Variants in PYHIN1 observed in about 807,000 individuals in gnomAD.
PYHIN1 encodes the protein pyrin and HIN domain-containing protein 1.
Under a neutral mutation model 43.7 loss-of-function variants are expected in PYHIN1, and 32 were observed. The ratio of observed to expected loss-of-function variants is 0.73; its 90% CI spans 0.55 to 0.98. The LOEUF (loss-of-function observed/expected upper bound fraction) is 0.98, where lower values mean the gene tolerates loss of function less well. PYHIN1 is among the 50% of genes least tolerant of loss of function. The probability of loss-of-function intolerance (pLI) is 0.00; values close to 1 mark genes in which losing one functional copy is unlikely to be tolerated. For missense variants in PYHIN1, 588 were observed against 589.5 expected (o/e 1.00, Z 0.03); for synonymous variants, 205 against 203.1 (o/e 1.01, Z -0.08).
intron 4 of PYHIN1, among the ~76,000 whole-genome samples, chr1:158,940,673 C>A (rs1648862088): frequency 1.3e-5 from 2 of 152,240 alleles, no homozygotes; most frequent in South Asian, 2.1e-4. Flanking sequence ...TGAAACCACA[C>A]CACCAACCTT....
At position 158,937,105 on chromosome 1, in the gene PYHIN1, A is replaced by G; in HGVS notation, c.195A>G (p.Leu65=). The change falls in exon 2 of 9, where the codon CTA becomes CTG. Residue 65 remains leucine, a synonymous_variant. Transcript: ENST00000368140. The stretch of plus-strand genomic sequence containing the variant: ...CAGGTGATGCCGGTTTGGGCAAACT[A>G]ATAGAATTCTTCAAAGAAATACCAA... ...KFPGDAGLGK[L]IEFFKEIPTL... The G allele has an allele frequency of 1.2e-6, 2 of 1,613,140 alleles. No homozygotes were observed. Among genetic ancestry groups the G allele is most frequent in the Non-Finnish European group, 1.7e-6 (2 of 1,179,700 alleles).
intron 4 of PYHIN1, among the ~76,000 whole-genome samples, chr1:158,941,110 C>T (rs1468564290): frequency 6.6e-6 from 1 of 152,200 alleles, no homozygotes; most frequent in Non-Finnish European, 1.5e-5. Context: ...AGTCCAGTCA[C>T]TCACAGATGA....
At chr1:158,936,188 C>T (rs1242892453) in intron 1 of PYHIN1, among the ~76,000 whole-genome samples, 1 of 148,080 alleles carries the variant, frequency 6.8e-6, no homozygotes, top group African/African-American at 2.5e-5. Flanking sequence ...TTAGGTATAT[C>T]ACCTAATGCT....
chr1:158,958,953 T>C (rs575437701), intron 7 of PYHIN1, among the ~76,000 whole-genome samples: 123 of 151,794 alleles, frequency 8.1e-4, no homozygotes, highest in Non-Finnish European at 1.7e-3. Flanking sequence ...AATACTTTTA[T>C]ATACTGTTTC....
chr1:158,939,299 G>C (rs752969127), intron 4 of PYHIN1, 52 bp downstream of exon 4: 2 of 1,582,616 alleles, frequency 1.3e-6, no homozygotes, highest in South Asian at 1.1e-5. Flanking sequence ...CCAAAATGTA[G>C]GAATCTGATT....
At chr1:158,977,900 A>G (rs1436245744), downstream of PYHIN1, among the ~76,000 whole-genome samples, 1 of 152,132 alleles carries the variant, frequency 6.6e-6, no homozygotes, top group East Asian at 1.9e-4. Flanking sequence ...TAAACAATGA[A>G]TAAGACGGAT....
At chr1:158,976,635 T>C (rs1651274098) in intron 8 of PYHIN1, 66 bp from the exon 9 acceptor site, 11 of 1,232,426 alleles carry the variant, frequency 8.9e-6, no homozygotes, top group Non-Finnish European at 1.3e-5. Flanking sequence ...GGCAGTGTGA[T>C]TGAAGAAAGA....
chr1:158,938,352 G>T, intron 2 of PYHIN1, 45 bp from the exon 3 acceptor site: 6 of 1,607,172 alleles, frequency 3.7e-6, no homozygotes, highest in Non-Finnish European at 5.1e-6. Flanking sequence ...GGGTGTCCCC[G>T]ATCATCTGCT....
the PYHIN1 span, among the ~76,000 whole-genome samples, chr1:158,987,845 G>A: frequency 1.3e-5 from 2 of 152,114 alleles, no homozygotes; most frequent in Non-Finnish European, 2.9e-5. Flanking sequence ...TTAAAATAGT[G>A]TCTTCCTGGC....
Position 158,942,384 on chromosome 1 carries a change from A to C in PYHIN1, c.987A>C (p.Leu329Phe). The C allele has an allele frequency of 6.3e-7, 1 of 1,595,688 alleles. No individual in the cohort carries two copies. The highest frequency in any genetic ancestry group is 8.5e-7 in the Non-Finnish European group (1 of 1,173,326). ...KQTSGYIVYG[L>F]FMLHTKIVNR... is the part of the protein sequence containing the mutation. ...CTTCAGGATATATTGTATATGGATT[A>C]TTTATGCTACATACGGTAAGGCATC... Residue 329 changes from leucine (L) to phenylalanine (F), a missense_variant, in exon 5 of 9, where the codon TTA becomes TTC. Coordinates refer to ENST00000368140, the MANE Select transcript of PYHIN1 (RefSeq NM_152501.5).
intron 7 of PYHIN1, 66 bp from the exon 8 acceptor site, chr1:158,973,581 A>G: frequency 6.4e-7 from 1 of 1,551,744 alleles, no homozygotes; most frequent in Non-Finnish European, 8.9e-7. Flanking sequence ...GAAAATATTA[A>G]GCAGAAAAAA....
Position 158,940,238 on chromosome 1 carries a change from TA to T in PYHIN1, c.579+1009del, listed in dbSNP as rs898876590. 8.2e-3 allele frequency: 465 copies of T among 56,478 alleles called. 1 individual carries two copies. The highest frequency in any genetic ancestry group is 0.037 in the East Asian group (85 of 2,292). 3.5% of individuals were successfully genotyped at this position (56,478 alleles called of 1,614,324 possible). A position where few individuals can be genotyped will look rare whatever the true frequency, so the allele number is the denominator to read the frequency against. ...GAGACTCCATCTCAAAATAAAAAAG[TA>T]AAAAAAAAAAAAAAAAAGGAAACCA... On this transcript the variant is annotated intron_variant, in intron 4 of 8. Coordinates refer to ENST00000368140, the MANE Select transcript of PYHIN1 (RefSeq NM_152501.5).
chr1:158,960,745 A>G (rs1485880189), intron 7 of PYHIN1, among the ~76,000 whole-genome samples: 2 of 152,236 alleles, frequency 1.3e-5, no homozygotes, highest in Non-Finnish European at 1.5e-5. Flanking sequence ...AATTGACATG[A>G]ATCAGGACCA....
chr1:158,935,690 G>A (rs370162950), intron 1 of PYHIN1, among the ~76,000 whole-genome samples: 6 of 152,214 alleles, frequency 3.9e-5, no homozygotes, highest in Admixed American at 1.3e-4. Flanking sequence ...GTAGTGCTGC[G>A]GCAGAAAGTT....
chr1:158,970,645 T>C (rs569840214), intron 7 of PYHIN1, among the ~76,000 whole-genome samples: 16 of 152,146 alleles, frequency 1.1e-4, no homozygotes, highest in African/African-American at 3.6e-4. Context: ...GCTTATTTAA[T>C]ATTTTACCCA....
the PYHIN1 span, among the ~76,000 whole-genome samples, chr1:158,987,268 C>G: frequency 6.6e-6 from 1 of 152,142 alleles, no homozygotes; most frequent in Admixed American, 6.6e-5. Flanking sequence ...GTGGGTATAA[C>G]CAACCCAGTG....
intron 7 of PYHIN1, among the ~76,000 whole-genome samples, chr1:158,952,832 A>G (rs930370164): frequency 5.9e-5 from 9 of 152,140 alleles, no homozygotes; most frequent in African/African-American, 2.2e-4. Context: ...CTGCATTTCC[A>G]TCTGAGGTAC....
intron 7 of PYHIN1, among the ~76,000 whole-genome samples, chr1:158,965,542 A>G (rs1478689746): frequency 6.6e-6 from 1 of 152,132 alleles, no homozygotes; most frequent in Admixed American, 6.6e-5. Flanking sequence ...CATACCAACC[A>G]CCTTCTCAGA....
In PYHIN1 at chr1:158,936,935, G is replaced by A. The variant is rs747703754; in HGVS notation, c.25G>A (p.Val9Ile). 2 of 1,586,604 alleles carry A rather than the reference G, an allele frequency of 1.3e-6. No homozygotes were observed. The highest frequency in any genetic ancestry group is 4.5e-5 in the East Asian group (2 of 44,612). The change falls in exon 2 of 9, where the codon GTT becomes ATT. Residue 9 changes from valine (V) to isoleucine (I), a missense_variant. Physicochemically the swap from Val to Ile is conservative, Grantham distance 29. Transcript: ENST00000368140. Reference protein sequence around the residue: MANNYKKIVLLKGLEVIND... With the variant: MANNYKKIILLKGLEVIND... ...GATGGCAAATAACTACAAGAAAATTGTTCTACTGAAAGGATTAGAGGTCAT... is the reference window on the plus strand; with the variant it reads ...GATGGCAAATAACTACAAGAAAATTATTCTACTGAAAGGATTAGAGGTCAT...
Sources: gnomAD v4.1 joint callset for allele counts (sites outside exome capture counted in the v4.1 genomes callset) on GRCh38, gnomAD v4.1.1 for gene constraint, MANE v1.5 for transcripts, NCBI Gene and HGNC (gene_info 2026-07-23, HGNC 2026-07-21) for gene names.